AR: variants seen among roughly 807,000 people sequenced by gnomAD.
AR encodes the protein androgen receptor.
A neutral mutation model predicts 53.9 loss-of-function variants in AR; 8 were observed. The observed-to-expected ratio is 0.15, with a 90% CI of 0.09 to 0.27. AR has a LOEUF of 0.27. AR is among the 10% of genes least tolerant of loss of function. The probability of loss-of-function intolerance (pLI) is 1.00; values close to 1 mark genes in which losing one functional copy is unlikely to be tolerated. For synonymous variants in AR, 359 were observed against 316.4 expected, an observed-to-expected ratio of 1.13 and a Z score of -1.43; for missense variants, 639 against 742.5, an observed-to-expected ratio of 0.86 and a Z score of 1.62.
At chrX:67,700,370 C>T (rs2076037480) in intron 3 of AR, among the ~76,000 whole-genome samples, 1 of 111,371 alleles carries the variant, frequency 9.0e-6, no homozygotes, top group African/African-American at 3.3e-5. Context: ...GGATGGCCTT[C>T]ATGGAAGAAA....
intron 1 of AR, among the ~76,000 whole-genome samples, chrX:67,596,189 C>G (rs1249149662): frequency 9.0e-6 from 1 of 110,789 alleles, no homozygotes; most frequent in Non-Finnish European, 1.9e-5. Flanking sequence ...CGAACAGATG[C>G]CGGCACCATG....
At chrX:67,582,689 A>G (rs1922349227) in intron 1 of AR, among the ~76,000 whole-genome samples, 2 of 111,512 alleles carry the variant, frequency 1.8e-5, no homozygotes, top group Non-Finnish European at 3.8e-5. Context: ...ACCAGTTCCT[A>G]TTCCTGGACA....
At chrX:67,718,298 G>C (rs776184069) in intron 5 of AR, among the ~76,000 whole-genome samples, 1 of 111,175 alleles carries the variant, frequency 9.0e-6, no homozygotes, top group East Asian at 2.9e-4. Flanking sequence ...TGTGACCTTG[G>C]TACTGCCATT....
At chrX:67,626,033 A>G (rs1924615207) in intron 1 of AR, among the ~76,000 whole-genome samples, 2 of 111,808 alleles carry the variant, frequency 1.8e-5, no homozygotes, top group African/African-American at 3.3e-5. Context: ...GGATAAATGA[A>G]GTATCCAGTA....
intron 1 of AR, among the ~76,000 whole-genome samples, chrX:67,604,983 T>C (rs1417951352): frequency 8.9e-6 from 1 of 112,295 alleles, no homozygotes; most frequent in Admixed American, 9.4e-5. Flanking sequence ...TGTGTGACTG[T>C]AACAAGATCA....
At chrX:67,661,616 G>A (rs1331398821) in intron 2 of AR, among the ~76,000 whole-genome samples, 1 of 111,374 alleles carries the variant, frequency 9.0e-6, no homozygotes, top group Non-Finnish European at 1.9e-5. Context: ...GAGGATTTTT[G>A]CATCAATGTT....
intron 1 of AR, among the ~76,000 whole-genome samples, chrX:67,611,886 A>G (rs901727085): frequency 3.6e-4 from 40 of 112,123 alleles, no homozygotes; most frequent in African/African-American, 1.0e-3. Context: ...TGATCATTCA[A>G]TTTAACCAGA....
intron 1 of AR, among the ~76,000 whole-genome samples, chrX:67,636,308 T>C (rs1925433025): frequency 8.9e-6 from 1 of 111,926 alleles, no homozygotes; most frequent in Non-Finnish European, 1.9e-5. Flanking sequence ...CTATCCTATA[T>C]TTGGGCTTTA....
At chrX:67,565,159 C>T (rs1921500913) in intron 1 of AR, among the ~76,000 whole-genome samples, 1 of 111,819 alleles carries the variant, frequency 8.9e-6, no homozygotes, top group South Asian at 3.7e-4. Flanking sequence ...CTCACAGACC[C>T]TTCTGAAACC....
chrX:67,693,305 A>G (rs2076004491), intron 3 of AR, among the ~76,000 whole-genome samples: 1 of 112,245 alleles, frequency 8.9e-6, no homozygotes, highest in African/African-American at 3.2e-5. Flanking sequence ...AAAGAGCAAG[A>G]TGATGCCATA....
At chrX:67,707,694 G>T (rs976118882) in intron 3 of AR, among the ~76,000 whole-genome samples, 19 of 111,866 alleles carry the variant, frequency 1.7e-4, no homozygotes, top group African/African-American at 5.8e-4. Flanking sequence ...TGTGATGTTA[G>T]CTGGTTCTTT....
At chrX:67,653,345 G>C (rs1602227664) in intron 2 of AR, among the ~76,000 whole-genome samples, 1 of 111,783 alleles carries the variant, frequency 8.9e-6, no homozygotes, top group African/African-American at 3.2e-5. Context: ...TGAGATTACT[G>C]CTGTACTAAA....
At chrX:67,566,512 A>G (rs1363596229) in intron 1 of AR, among the ~76,000 whole-genome samples, 1 of 111,532 alleles carries the variant, frequency 9.0e-6, no homozygotes, top group Non-Finnish European at 1.9e-5. Context: ...CAGAAGTGGA[A>G]TGTTTCAGCC....
chrX:67,580,982 G>T (rs745594981), intron 1 of AR, among the ~76,000 whole-genome samples: 1 of 111,984 alleles, frequency 8.9e-6, no homozygotes, highest in East Asian at 2.8e-4. Flanking sequence ...AATAATCTAA[G>T]CCAAGAATTA....
rs5965426 is a variant in AR, at chrX:67,587,476, G to T, written c.1616+40714G>T. Among the ~76,000 whole-genome samples, 823 of 112,087 alleles carry T rather than the reference G, an allele frequency of 7.3e-3. 12 individuals carry two copies. Among genetic ancestry groups the T allele is most frequent in the African/African-American group, 0.026 (793 of 30,851 alleles). ...TCACACTTTTTGGTGATAGAAGATG[G>T]TTCCAGTACAGATTTTATTTATTAC... On this transcript the variant is annotated intron_variant, in intron 1 of 7. Coordinates refer to ENST00000374690, the MANE Select transcript of AR (RefSeq NM_000044.6).
rs1331544134 is a variant in AR, at chrX:67,641,908, A to G, written c.1617-1348A>G. On this transcript the variant is annotated intron_variant, in intron 1 of 7. Coordinates refer to ENST00000374690, the MANE Select transcript of AR (RefSeq NM_000044.6). Reference sequence around the variant, plus strand: ...ATGACTGTGCTGAACATTCAAACCAAAAGGCCATTGGTGGAAAGTAAAGGT... The same window carrying G: ...ATGACTGTGCTGAACATTCAAACCAGAAGGCCATTGGTGGAAAGTAAAGGT... Among the ~76,000 whole-genome samples, 3 of 107,897 alleles carry G rather than the reference A, an allele frequency of 2.8e-5. No individual in the cohort carries two copies. In the Admixed American group the frequency reaches 3.0e-4, roughly 11 times the overall value. The allele number at this position is 107,897 out of a possible 115,157, so 93.7% of individuals were successfully genotyped here.
intron 2 of AR, among the ~76,000 whole-genome samples, chrX:67,659,412 C>T: frequency 9.0e-6 from 1 of 110,687 alleles, no homozygotes; most frequent in Non-Finnish European, 1.9e-5. Flanking sequence ...GTTCCCCTTC[C>T]TGTGTCCATG....
At chrX:67,625,184 A>G (rs1368527757) in intron 1 of AR, among the ~76,000 whole-genome samples, 1 of 111,422 alleles carries the variant, frequency 9.0e-6, no homozygotes, top group East Asian at 2.8e-4. Context: ...TCAAAATACC[A>G]GAATACTTAA....
In AR at chrX:67,546,747, C is replaced by A. The variant is rs1401040791; in HGVS notation, c.1601C>A (p.Pro534His). ...CCCTGGATGGATAGCTACTCCGGAC[C>A]TTACGGGGACATGCGGTAAGTTTTT... ...MGPWMDSYSG[P>H]YGDMRLETAR... The change falls in exon 1 of 8, where the codon CCT (proline) becomes CAT (histidine). Residue 534 changes from proline to histidine, a missense_variant. Physicochemically the swap from Pro to His is moderately conservative, Grantham distance 77. This residue lies in a region of AR where 423 missense variants were observed against 377.0 expected (regional missense o/e 1.12). Transcript: ENST00000374690. The A allele has an allele frequency of 2.5e-6, 3 of 1,204,298 alleles. No homozygotes were observed. Among genetic ancestry groups the A allele is most frequent in the Non-Finnish European group, 2.2e-6 (2 of 892,394 alleles).
Sources: gnomAD v4.1 joint callset for allele counts (sites outside exome capture counted in the v4.1 genomes callset) on GRCh38, gnomAD v4.1.1 for gene constraint, gnomAD v4.1.1 regional missense constraint, MANE v1.5 for transcripts, NCBI Gene and HGNC (gene_info 2026-07-23, HGNC 2026-07-21) for gene names.